DLG2: variants seen among roughly 807,000 people sequenced by gnomAD.
The protein encoded by DLG2 is disks large homolog 2.
In DLG2, 45 loss-of-function variants were observed where a neutral mutation model predicts 132.5. The observed-to-expected ratio is 0.34, with a 90% CI of 0.27 to 0.44. The LOEUF is 0.44. DLG2 is among the 20% of genes least tolerant of loss of function. The probability of loss-of-function intolerance (pLI) is 1.00; values close to 1 mark genes in which losing one functional copy is unlikely to be tolerated. For missense variants in DLG2, 1,045 were observed against 1,196.9 expected (o/e 0.87, Z 1.87); for synonymous variants, 424 against 419.6 (o/e 1.01, Z -0.13).
chr11:84,854,536 C>G (rs1010651214), intron 6 of DLG2, among the ~76,000 whole-genome samples: 4 of 151,968 alleles, frequency 2.6e-5, no homozygotes, highest in African/African-American at 9.7e-5. Context: ...CCACTGAAAA[C>G]CCCTGTCTTC....
At chr11:85,308,178 A>G (rs580389) in intron 3 of DLG2, among the ~76,000 whole-genome samples, 24 of 143,414 alleles carry the variant, frequency 1.7e-4, no homozygotes, top group African/African-American at 5.9e-4. Context: ...AATAAAATAA[A>G]ATAAAATAAA....
intron 3 of DLG2, among the ~76,000 whole-genome samples, chr11:85,386,375 G>A (rs1220110542): frequency 6.6e-6 from 1 of 152,134 alleles, no homozygotes; most frequent in Non-Finnish European, 1.5e-5. Flanking sequence ...CAATTAATAA[G>A]TGACAGAACT....
chr11:84,042,701 C>T (rs2096123143), intron 11 of DLG2, among the ~76,000 whole-genome samples: 1 of 151,698 alleles, frequency 6.6e-6, no homozygotes, highest in Non-Finnish European at 1.5e-5. Context: ...TACTATGCAA[C>T]CATAAAAAGG....
chr11:85,489,267 T>C lies in DLG2; in HGVS notation c.40+109390A>G, dbSNP rs546178211. On this transcript the variant is annotated intron_variant, in intron 3 of 27. Coordinates refer to ENST00000376104, the MANE Select transcript of DLG2 (RefSeq NM_001142699.3). ...AACAAAAACCAAAAACAAGCAAGAATAGCTACACTTACATCAGATAAAATG... is the reference window on the plus strand; with the variant it reads ...AACAAAAACCAAAAACAAGCAAGAACAGCTACACTTACATCAGATAAAATG... Among the ~76,000 whole-genome samples, 107 of 152,098 alleles carry C rather than the reference T, an allele frequency of 7.0e-4. 1 individual carries two copies. Among genetic ancestry groups the C allele is most frequent in the African/African-American group, 2.5e-3 (104 of 41,488 alleles).
chr11:84,837,872 T>G (rs932365118), intron 6 of DLG2, among the ~76,000 whole-genome samples: 2 of 151,690 alleles, frequency 1.3e-5, no homozygotes, highest in African/African-American at 4.8e-5. Context: ...CAGACCAGCA[T>G]CAAGAGCAAA....
intron 14 of DLG2, among the ~76,000 whole-genome samples, chr11:83,934,209 A>G (rs2080968972): frequency 6.6e-6 from 1 of 152,184 alleles, no homozygotes; most frequent in South Asian, 2.1e-4. Context: ...CAGTGAAAAT[A>G]AAACAGGCAC....
chr11:84,154,912 A>C (rs1449986470), intron 9 of DLG2, among the ~76,000 whole-genome samples: 1 of 152,164 alleles, frequency 6.6e-6, no homozygotes, highest in Non-Finnish European at 1.5e-5. Flanking sequence ...AAATTGACAA[A>C]TGGTATCTAA....
chr11:83,970,179 A>G (rs2091047316), intron 12 of DLG2, among the ~76,000 whole-genome samples: 1 of 152,228 alleles, frequency 6.6e-6, no homozygotes, highest in African/African-American at 2.4e-5. Context: ...TATGGAAACT[A>G]CACAGCTCAT....
At chr11:85,540,729 C>A (rs1030920601) in intron 3 of DLG2, among the ~76,000 whole-genome samples, 1 of 152,194 alleles carries the variant, frequency 6.6e-6, no homozygotes, top group Non-Finnish European at 1.5e-5. Context: ...TGACACACAC[C>A]CACTGGGACT....
At chr11:84,985,478 G>T (rs2056355604) in intron 6 of DLG2, among the ~76,000 whole-genome samples, 1 of 151,954 alleles carries the variant, frequency 6.6e-6, no homozygotes, top group Non-Finnish European at 1.5e-5. Context: ...CAGCAAAGGT[G>T]GTGCTAAGAG....
intron 18 of DLG2, among the ~76,000 whole-genome samples, chr11:83,769,401 T>C (rs1168087322): frequency 6.6e-6 from 1 of 152,010 alleles, no homozygotes; most frequent in African/African-American, 2.4e-5. Context: ...AAGCTCATAG[T>C]CTCTGGCCAG....
intron 3 of DLG2, among the ~76,000 whole-genome samples, chr11:85,500,557 A>AAAAT (rs71036481): frequency 2.7e-5 from 1 of 37,616 alleles, no homozygotes; most frequent in Non-Finnish European, 7.0e-5. Flanking sequence ...AAATAAAAAT[A>AAAAT]AAATAAATAA....
chr11:84,427,753 A>G (rs1221773026), intron 7 of DLG2, among the ~76,000 whole-genome samples: 1 of 152,100 alleles, frequency 6.6e-6, no homozygotes, highest in Non-Finnish European at 1.5e-5. Flanking sequence ...CTAGGGAATC[A>G]CCAAAATGTC....
intron 3 of DLG2, among the ~76,000 whole-genome samples, chr11:85,598,358 C>A (rs2079925109): frequency 6.6e-6 from 1 of 152,144 alleles, no homozygotes; most frequent in African/African-American, 2.4e-5. Flanking sequence ...TTATAACACA[C>A]TACTCAGGGT....
intron 6 of DLG2, among the ~76,000 whole-genome samples, chr11:85,087,864 A>AAAAAAAAAAAAAAC: frequency 6.7e-6 from 1 of 149,086 alleles, no homozygotes; most frequent in Non-Finnish European, 1.5e-5. Flanking sequence ...AAAAAAAAAA[A>AAAAAAAAAAAAAAC]AAAAACAGAT....
chr11:85,291,918 G>A (rs572713258), intron 3 of DLG2, among the ~76,000 whole-genome samples: 27 of 152,128 alleles, frequency 1.8e-4, no homozygotes, highest in South Asian at 1.0e-3. Flanking sequence ...ACAAAGAGAC[G>A]GTAAGATGTG....
intron 3 of DLG2, among the ~76,000 whole-genome samples, chr11:85,543,089 C>T (rs2076077657): frequency 5.9e-5 from 9 of 151,988 alleles, no homozygotes; most frequent in Admixed American, 3.3e-4. Context: ...CTGCACCTAT[C>T]AACCCGTCAT....
At chr11:85,024,086 G>A (rs761761904) in intron 6 of DLG2, among the ~76,000 whole-genome samples, 1 of 152,002 alleles carries the variant, frequency 6.6e-6, no homozygotes, top group Non-Finnish European at 1.5e-5. Context: ...CCATGTCTTC[G>A]TTTCTTCATC....
chr11:84,663,922 T>A (rs2099697385), intron 6 of DLG2, among the ~76,000 whole-genome samples: 1 of 152,188 alleles, frequency 6.6e-6, no homozygotes, highest in Non-Finnish European at 1.5e-5. Context: ...TGTCTCCAGA[T>A]CTGGTGCCCA....
Sources: gnomAD v4.1 joint callset for allele counts (sites outside exome capture counted in the v4.1 genomes callset) on GRCh38, gnomAD v4.1.1 for gene constraint, MANE v1.5 for transcripts, NCBI Gene and HGNC (gene_info 2026-07-23, HGNC 2026-07-21) for gene names.